Variants in FARP2 observed in about 807,000 individuals in gnomAD.
FARP2 encodes the protein FERM, ARHGEF and pleckstrin domain-containing protein 2.
Under a neutral mutation model 130.5 loss-of-function variants are expected in FARP2, and 111 were observed. The observed-to-expected ratio is 0.85, with a 90% CI of 0.73 to 1.00. The LOEUF is 1.00. Among genes scored for constraint, FARP2 ranks in the 50% least tolerant of loss-of-function variants. FARP2 has a pLI of 0.00. For synonymous variants in FARP2, 504 were observed against 516.9 expected (o/e 0.98, Z 0.34); for missense variants, 1,385 against 1,346.3 (o/e 1.03, Z -0.45).
At chr2:241,474,720 A>G (rs1478726426) in intron 18 of FARP2, among the ~76,000 whole-genome samples, 2 of 150,832 alleles carry the variant, frequency 1.3e-5, no homozygotes, top group Non-Finnish European at 3.0e-5. Flanking sequence ...TGAACTTGAG[A>G]GGCGGAGGTT....
At chr2:241,420,545 AAC>A (rs1277496382) in intron 8 of FARP2, among the ~76,000 whole-genome samples, 1 of 152,192 alleles carries the variant, frequency 6.6e-6, no homozygotes, top group African/African-American at 2.4e-5. Context: ...ACAGGAATAA[AAC>A]ACTGCATCTC....
At chr2:241,403,119 T>A (rs1442760675) in intron 2 of FARP2, among the ~76,000 whole-genome samples, 1 of 150,910 alleles carries the variant, frequency 6.6e-6, no homozygotes, top group African/African-American at 2.4e-5. Context: ...CAAATAATAT[T>A]TTTTTTCTCT....
intron 6 of FARP2, among the ~76,000 whole-genome samples, chr2:241,411,933 A>T (rs917571979): frequency 2.0e-5 from 3 of 152,174 alleles, no homozygotes. Flanking sequence ...TTTCAAAGTG[A>T]CTTTGGTTCT....
intron 19 of FARP2, among the ~76,000 whole-genome samples, chr2:241,477,004 T>C (rs115812193): frequency 0.015 from 2,273 of 152,294 alleles, 26 homozygotes; most frequent in Non-Finnish European, 0.024. Flanking sequence ...ACTGATCTGC[T>C]TTCTGTCTCT....
At chr2:241,376,512 C>G (rs1458776019) in intron 2 of FARP2, among the ~76,000 whole-genome samples, 4 of 112,440 alleles carry the variant, frequency 3.6e-5, no homozygotes, top group Non-Finnish European at 7.5e-5. Context: ...AGGGCCTGCC[C>G]TGAGTGGGCA....
intron 13 of FARP2, chr2:241,442,614 G>T: frequency 2.9e-6 from 1 of 342,820 alleles, no homozygotes; most frequent in South Asian, 2.3e-5. Flanking sequence ...TTTAAACACA[G>T]AAAGTGACTT....
At chr2:241,448,067 C>G (rs2063552714) in intron 13 of FARP2, among the ~76,000 whole-genome samples, 1 of 152,118 alleles carries the variant, frequency 6.6e-6, no homozygotes, top group Non-Finnish European at 1.5e-5. Flanking sequence ...GGGGCTGTGG[C>G]AGCAGCATGT....
At chr2:241,491,022 G>A (rs1030311436) in intron 22 of FARP2, 39 bp from the exon 23 acceptor site, 5 of 1,502,340 alleles carry the variant, frequency 3.3e-6, no homozygotes, top group East Asian at 4.5e-5. Context: ...CCTACACAAG[G>A]AAGAGCAGAG....
At chr2:241,461,747 C>T (rs1275345315) in intron 14 of FARP2, among the ~76,000 whole-genome samples, 1 of 152,214 alleles carries the variant, frequency 6.6e-6, no homozygotes, top group Non-Finnish European at 1.5e-5. Context: ...GGAGGTGGGG[C>T]AGGCGAGCTG....
chr2:241,474,174 C>T (rs1209108172), intron 18 of FARP2, among the ~76,000 whole-genome samples: 4 of 151,390 alleles, frequency 2.6e-5, no homozygotes, highest in African/African-American at 4.8e-5. Context: ...GGCGTGGTGG[C>T]GGGTGCCTGT....
chr2:241,398,876 C>G (rs115880055), intron 2 of FARP2, among the ~76,000 whole-genome samples: 5,217 of 152,216 alleles, frequency 0.034, 291 homozygotes, highest in African/African-American at 0.12. Context: ...ACCAGACATT[C>G]TTGAATTTGT....
intron 1 of FARP2, among the ~76,000 whole-genome samples, chr2:241,363,686 G>A (rs1418662091): frequency 6.6e-6 from 1 of 152,246 alleles, no homozygotes; most frequent in Non-Finnish European, 1.5e-5. Flanking sequence ...TTGCTGAGGA[G>A]CACTGCAAAG....
intron 2 of FARP2, among the ~76,000 whole-genome samples, chr2:241,382,817 T>C (rs1053748086): frequency 6.6e-6 from 1 of 152,228 alleles, no homozygotes; most frequent in Non-Finnish European, 1.5e-5. Context: ...TCCTGTTTAA[T>C]AGGCAAAAGT....
chr2:241,493,365 C>T lies in FARP2; in HGVS notation c.2968C>T (p.His990Tyr). Residue 990 changes from histidine (H) to tyrosine (Y), a missense_variant, in exon 26 of 27, where the codon CAC (histidine) becomes TAC (tyrosine). His to Tyr is a moderately conservative substitution (Grantham distance 83). Coordinates refer to ENST00000264042, the MANE Select transcript of FARP2 (RefSeq NM_014808.4). ...VSIPREADGI[H>Y]KDYVFKLQFK... is the part of the protein sequence containing the mutation. ...CATCCCCAGGGAGGCCGATGGCATA[C>T]ACAAAGACTATGTTTTCAAGCTCCA... 1 of 1,614,000 alleles carries T rather than the reference C, an allele frequency of 6.2e-7. No individual in the cohort carries two copies. Among genetic ancestry groups the T allele is most frequent in the Non-Finnish European group, 8.5e-7 (1 of 1,179,960 alleles).
At position 241,407,628 on chromosome 2, in the gene FARP2, C is replaced by A; in HGVS notation, c.410+13C>A. On this transcript the variant is annotated intron_variant, in intron 5 of 26. Transcript: ENST00000264042. The stretch of plus-strand genomic sequence containing the variant: ...AAGAATATACAAGGTAAAGAGCTCA[C>A]AGAGCTGAAGCTGTTGTCAGCAGGA... 1 of 1,599,654 alleles carries A rather than the reference C, an allele frequency of 6.3e-7. No individual in the cohort carries two copies.
chr2:241,475,607 GA>G lies in FARP2; in HGVS notation c.2132-249del, dbSNP rs1263039206. The stretch of plus-strand genomic sequence containing the variant: ...CCTTGTGAGAATCTAACAAATGCCT[GA>G]TGATCTGAGGTGGAACAGTTTCATC... On this transcript the variant is annotated intron_variant, in intron 18 of 26. Coordinates refer to ENST00000264042, the MANE Select transcript of FARP2 (RefSeq NM_014808.4). The surrounding 1 kb of genome is among the most constrained non-coding windows in gnomAD (Gnocchi z 4.4). Among the ~76,000 whole-genome samples the G allele has an allele frequency of 6.6e-6, 1 of 152,216 alleles. No individual in the cohort carries two copies. Among genetic ancestry groups the G allele is most frequent in the South Asian group, 2.1e-4 (1 of 4,838 alleles).
Position 241,371,794 on chromosome 2 carries a change from A to G in FARP2, c.-24-1290A>G, listed in dbSNP as rs1030446495. ...TATTGTATTAAATATTTAAAAATTG[A>G]TTTTTAAACATAAGACATTTCACAA... is the stretch of plus-strand genomic sequence containing the variant. On this transcript the variant is annotated intron_variant, in intron 1 of 26. Transcript: ENST00000264042. Among the ~76,000 whole-genome samples, 6 of 152,256 alleles carry G rather than the reference A, an allele frequency of 3.9e-5. 1 individual carries two copies. In the South Asian group the frequency reaches 1.2e-3, roughly 32 times the overall value.
At chr2:241,388,513 C>T (rs950435865) in intron 2 of FARP2, among the ~76,000 whole-genome samples, 8 of 151,378 alleles carry the variant, frequency 5.3e-5, no homozygotes, top group Admixed American at 6.6e-5. Context: ...CACCAAATTC[C>T]AAAGTGATAA....
intron 4 of FARP2, 46 bp from the exon 5 acceptor site, chr2:241,407,491 T>C (rs1229877353): frequency 5.2e-6 from 7 of 1,357,482 alleles, no homozygotes; most frequent in Non-Finnish European, 7.4e-6. Flanking sequence ...AGAGAATAAA[T>C]GCAAAGATCG....
Sources: allele counts gnomAD v4.1 joint callset (sites outside exome capture counted in the v4.1 genomes callset), GRCh38; gene constraint gnomAD v4.1.1; non-coding constraint Gnocchi (gnomAD v3.1); transcripts MANE v1.5; gene names NCBI Gene and HGNC (gene_info 2026-07-23, HGNC 2026-07-21).